Variants in CACNA2D1 observed in about 807,000 individuals in gnomAD.
CACNA2D1 encodes the protein voltage-dependent calcium channel subunit alpha-2/delta-1.
In CACNA2D1, 53 loss-of-function variants were observed where a neutral mutation model predicts 171.5. That is an observed-to-expected ratio of 0.31 (90% CI 0.25 to 0.39). The LOEUF (loss-of-function observed/expected upper bound fraction) is 0.39. Among genes scored for constraint, CACNA2D1 ranks in the 10% least tolerant of loss-of-function variants. The pLI is 1.00. For missense variants in CACNA2D1, 903 were observed against 1,299.8 expected (o/e 0.69, Z 4.69); for synonymous variants, 442 against 443.1 (o/e 1.00, Z 0.03).
At chr7:82,060,285 A>G (rs1461776079) in intron 10 of CACNA2D1, 143 bp downstream of exon 10, 1 of 361,142 alleles carries the variant, frequency 2.8e-6, no homozygotes, top group Non-Finnish European at 5.0e-6. Context: ...TCAGTCGCTA[A>G]AATAGGACAG....
chr7:82,112,266 ATT>A (rs1327807721), intron 6 of CACNA2D1, among the ~76,000 whole-genome samples: 4 of 152,138 alleles, frequency 2.6e-5, no homozygotes, highest in Non-Finnish European at 5.9e-5. Context: ...TCACTCTTTA[ATT>A]TCAGTATTTT....
chr7:82,191,157 C>A (rs1798255169), intron 3 of CACNA2D1, among the ~76,000 whole-genome samples: 1 of 151,598 alleles, frequency 6.6e-6, no homozygotes, highest in Non-Finnish European at 1.5e-5. Flanking sequence ...AAAGAGAAAT[C>A]AAAGAGTTAA....
intron 1 of CACNA2D1, among the ~76,000 whole-genome samples, chr7:82,381,293 G>A (rs1041310960): frequency 1.6e-4 from 21 of 128,640 alleles, no homozygotes; most frequent in East Asian, 4.6e-4. Context: ...TAGCCTGGGC[G>A]AAAGAGCGAG....
intron 24 of CACNA2D1, among the ~76,000 whole-genome samples, chr7:81,978,786 C>T (rs1796133200): frequency 1.5e-5 from 2 of 136,280 alleles, no homozygotes; most frequent in African/African-American, 2.8e-5. Context: ...CACACACACA[C>T]TGTTCAAAAC....
At chr7:81,991,927 C>T (rs915600670) in intron 20 of CACNA2D1, among the ~76,000 whole-genome samples, 1 of 150,854 alleles carries the variant, frequency 6.6e-6, no homozygotes, top group Non-Finnish European at 1.5e-5. Flanking sequence ...CTCCGCCTCC[C>T]GGGTTCATGC....
intron 6 of CACNA2D1, among the ~76,000 whole-genome samples, chr7:82,102,444 T>C (rs1812787443): frequency 6.6e-6 from 1 of 151,836 alleles, no homozygotes. Flanking sequence ...TTGTTGTGTG[T>C]ATTTGAGATA....
intron 10 of CACNA2D1, among the ~76,000 whole-genome samples, chr7:82,054,596 A>G (rs1184880245): frequency 1.3e-5 from 2 of 152,196 alleles, no homozygotes; most frequent in Non-Finnish European, 2.9e-5. Flanking sequence ...CAAATAAACC[A>G]TTTAAGCTTG....
chr7:82,288,919 C>T (rs1811185337), intron 3 of CACNA2D1, among the ~76,000 whole-genome samples: 1 of 152,126 alleles, frequency 6.6e-6, no homozygotes, highest in Non-Finnish European at 1.5e-5. Flanking sequence ...AAAGGAGCTA[C>T]AGGAAGCGAG....
intron 1 of CACNA2D1, among the ~76,000 whole-genome samples, chr7:82,359,866 T>C (rs909210097): frequency 3.3e-5 from 5 of 152,198 alleles, no homozygotes; most frequent in African/African-American, 1.2e-4. Flanking sequence ...CAACAGGTAA[T>C]ATCTATTGAG....
intron 7 of CACNA2D1, among the ~76,000 whole-genome samples, chr7:82,076,828 G>T (rs373828416): frequency 1.3e-5 from 2 of 152,024 alleles, no homozygotes; most frequent in Non-Finnish European, 2.9e-5. Flanking sequence ...CAAACTATTG[G>T]ATTAACTGAC....
chr7:82,350,728 G>A (rs1819766142), intron 1 of CACNA2D1, among the ~76,000 whole-genome samples: 1 of 151,904 alleles, frequency 6.6e-6, no homozygotes, highest in Non-Finnish European at 1.5e-5. Flanking sequence ...TCTTAGATTT[G>A]GAATTACTAG....
At chr7:82,222,821 G>T (rs562541997) in intron 3 of CACNA2D1, among the ~76,000 whole-genome samples, 1 of 151,210 alleles carries the variant, frequency 6.6e-6, no homozygotes, top group South Asian at 2.1e-4. Flanking sequence ...TTTCTTGAAT[G>T]AATGAATATC....
intron 3 of CACNA2D1, among the ~76,000 whole-genome samples, chr7:82,187,053 A>T (rs1227726368): frequency 6.6e-6 from 1 of 152,186 alleles, no homozygotes; most frequent in South Asian, 2.1e-4. Context: ...TAAGGCTGCA[A>T]ATGATAATAA....
At chr7:82,424,869 G>A (rs1288354464) in intron 1 of CACNA2D1, among the ~76,000 whole-genome samples, 1 of 152,212 alleles carries the variant, frequency 6.6e-6, no homozygotes, top group African/African-American at 2.4e-5. Flanking sequence ...CCAAATCTGT[G>A]AGCACGTAAA....
intron 5 of CACNA2D1, 73 bp downstream of exon 5, chr7:82,136,562 A>T (rs1275863588): frequency 2.6e-6 from 3 of 1,153,504 alleles, no homozygotes; most frequent in Non-Finnish European, 3.7e-6. Flanking sequence ...CTGCTAGCTC[A>T]ATTTATTCTA....
chr7:82,353,888 A>G (rs371223887), intron 1 of CACNA2D1, among the ~76,000 whole-genome samples: 1 of 152,080 alleles, frequency 6.6e-6, no homozygotes, highest in Admixed American at 6.6e-5. Context: ...ATTGACAATG[A>G]TGGGGTACAG....
intron 3 of CACNA2D1, among the ~76,000 whole-genome samples, chr7:82,200,425 C>T (rs560464209): frequency 7.4e-4 from 112 of 151,836 alleles, no homozygotes; most frequent in African/African-American, 1.1e-3. Flanking sequence ...TTCAGTAATA[C>T]GCATATATTT....
At position 81,950,458 on chromosome 7, in the gene CACNA2D1, C is replaced by A. The variant is rs771497866; in HGVS notation, c.3210G>T (p.Trp1070Cys). 6 of 1,612,798 alleles carry A rather than the reference C, an allele frequency of 3.7e-6. No individual in the cohort carries two copies. The South Asian group carries it at 6.6e-5, about 18-fold the overall frequency. Residue 1070 changes from tryptophan (W) to cysteine (C), a missense_variant, in exon 39 of 39, where the codon TGG (tryptophan) becomes TGT (cysteine). Physicochemically the swap from Trp to Cys is radical, Grantham distance 215. Coordinates refer to ENST00000356860, the MANE Select transcript of CACNA2D1 (RefSeq NM_000722.4). The stretch of plus-strand genomic sequence containing the variant: ...GTAGAAACTGGATTCCAATGATATA[C>A]CACAGGGAGGGATTTAATCCAGAAA... ...GGVSGLNPSLWYIIGIQFLLL... is the reference protein window; with the variant it reads ...GGVSGLNPSLCYIIGIQFLLL...
intron 38 of CACNA2D1, among the ~76,000 whole-genome samples, chr7:81,956,703 C>CA (rs1157802059): frequency 2.6e-5 from 4 of 152,088 alleles, no homozygotes; most frequent in African/African-American, 9.7e-5. Flanking sequence ...GAATTCACTC[C>CA]ATTCATAGTA....
Sources: allele counts gnomAD v4.1 joint callset (sites outside exome capture counted in the v4.1 genomes callset), GRCh38; gene constraint gnomAD v4.1.1; transcripts MANE v1.5; gene names NCBI Gene and HGNC (gene_info 2026-07-23, HGNC 2026-07-21).